CELF2: variants seen among roughly 807,000 people sequenced by gnomAD.
CELF2 encodes the protein CUG triplet repeat RNA-binding protein 2.
A neutral mutation model predicts 62.6 loss-of-function variants in CELF2; 8 were observed. The ratio of observed to expected loss-of-function variants is 0.13; its 90% confidence interval spans 0.07 to 0.23. CELF2 has a LOEUF of 0.23. Ranked by LOEUF, CELF2 falls within the 10% of genes least tolerant of loss-of-function variation. The pLI, the probability that CELF2 is intolerant of heterozygous loss-of-function variation, is 1.00. For synonymous variants in CELF2, 258 were observed against 250.0 expected (o/e 1.03, Z -0.30); for missense variants, 333 against 671.0 (o/e 0.50, Z 5.56).
rs886962492 is a variant in CELF2, at chr10:11,217,090, A to G, written c.272-335A>G. On this transcript the variant is annotated intron_variant, in intron 2 of 12. Transcript: ENST00000633077. This position sits in a 1 kb window ranked among gnomAD's most constrained non-coding sequence, Gnocchi z 5.6. ...CTTGTGCTGTTGTTATTGTGATTAA[A>G]TGCTTCTCTTCACGTAGGTGCTATA... 4.6e-5 allele frequency among the ~76,000 whole-genome samples: 7 copies of G among 152,332 alleles called. No individual in the cohort carries two copies. The East Asian group carries it at 7.7e-4, about 17-fold the overall frequency.
chr10:10,877,245 A>T (rs1002985157), intron 1 of CELF2, among the ~76,000 whole-genome samples: 1 of 152,190 alleles, frequency 6.6e-6, no homozygotes, highest in African/African-American at 2.4e-5. Flanking sequence ...TAATTTAGAC[A>T]ATTTATTTTG....
the CELF2 span, among the ~76,000 whole-genome samples, chr10:10,655,377 A>T: frequency 1.6e-5 from 2 of 122,200 alleles, no homozygotes; most frequent in Admixed American, 1.7e-4. Context: ...ACTACTTTAA[A>T]GTTCATATGG....
At chr10:10,483,391 G>C in the CELF2 span, among the ~76,000 whole-genome samples, 2 of 152,116 alleles carry the variant, frequency 1.3e-5, no homozygotes, top group Non-Finnish European at 2.9e-5. Context: ...ATAGTGAGTT[G>C]GGCTAAGCAT....
chr10:10,894,099 T>C (rs1261784384), intron 1 of CELF2, among the ~76,000 whole-genome samples: 3 of 151,846 alleles, frequency 2.0e-5, no homozygotes, highest in African/African-American at 7.3e-5. Flanking sequence ...GTTTTTAACC[T>C]GATTCTTATG....
At chr10:11,163,120 C>T (rs572434053) in intron 1 of CELF2, among the ~76,000 whole-genome samples, 10 of 152,230 alleles carry the variant, frequency 6.6e-5, no homozygotes, top group Admixed American at 5.2e-4. Flanking sequence ...TTATATTTTT[C>T]GAAAAAGAGT....
chr10:10,970,874 T>G (rs1483668047), intron 2 of CELF2: 1 of 152,136 alleles, frequency 6.6e-6, no homozygotes, highest in Non-Finnish European at 1.5e-5. Flanking sequence ...AAGAAAACTT[T>G]GTTTTCTTTT....
rs1322044875 is a variant in CELF2 at position 11,297,382 on chromosome 10, G to T, written c.976+8830G>T. Among the ~76,000 whole-genome samples, 1 of 152,176 alleles carries T rather than the reference G, an allele frequency of 6.6e-6. No homozygotes were observed. Among genetic ancestry groups the T allele is most frequent in the African/African-American group, 2.4e-5 (1 of 41,430 alleles). ...GCCCGGGGAGGGGTGAGGTCATCAG[G>T]CCAAAATCACCAGCAAGGCAAGGCG... On this transcript the variant is annotated intron_variant, in intron 9 of 12. Coordinates refer to ENST00000633077, the MANE Select transcript of CELF2 (RefSeq NM_001326342.2). The surrounding 1 kb of genome is among the most constrained non-coding windows in gnomAD (Gnocchi z 4.4).
chr10:11,252,862 G>A (rs1012333400), intron 4 of CELF2, among the ~76,000 whole-genome samples: 24 of 152,130 alleles, frequency 1.6e-4, no homozygotes, highest in Admixed American at 5.2e-4. Context: ...AACAGAATCC[G>A]CCTTTTTTGT....
At chr10:10,727,990 G>A in the CELF2 span, among the ~76,000 whole-genome samples, 1 of 152,190 alleles carries the variant, frequency 6.6e-6, no homozygotes, top group South Asian at 2.1e-4. Context: ...TGAAGAGTCG[G>A]CTGCATACAC....
chr10:11,155,198 C>T (rs186337716), intron 1 of CELF2, among the ~76,000 whole-genome samples: 5 of 152,284 alleles, frequency 3.3e-5, no homozygotes, highest in Admixed American at 2.0e-4. Flanking sequence ...CCTCCTTAAG[C>T]AGAATTTATT....
chr10:10,705,368 A>AAG, the CELF2 span, among the ~76,000 whole-genome samples: 1 of 143,232 alleles, frequency 7.0e-6, no homozygotes, highest in Non-Finnish European at 1.5e-5. Flanking sequence ...TTCCCTATTA[A>AAG]AAAAAAAAAA....
chr10:11,077,342 G>A (rs567955133), intron 1 of CELF2, among the ~76,000 whole-genome samples: 62 of 152,218 alleles, frequency 4.1e-4, no homozygotes, highest in South Asian at 1.9e-3. Flanking sequence ...CCAAGTACAG[G>A]GAAAGTAAGG....
At chr10:10,980,230 C>T (rs946353285) in intron 2 of CELF2, among the ~76,000 whole-genome samples, 24 of 152,196 alleles carry the variant, frequency 1.6e-4, no homozygotes, top group African/African-American at 5.1e-4. Context: ...TCCTGTCTTC[C>T]GCATCTCTGC....
At chr10:11,067,479 G>A (rs1231356815) in intron 1 of CELF2, among the ~76,000 whole-genome samples, 1 of 152,158 alleles carries the variant, frequency 6.6e-6, no homozygotes, top group African/African-American at 2.4e-5. Context: ...AGGAAAATGA[G>A]AACGCTTCTA....
rs528687019 is a variant in CELF2, at chr10:10,929,545, A to G, written c.89+9546A>G. The G allele has an allele frequency of 2.0e-5, 3 of 152,358 alleles. No individual in the cohort carries two copies. In the South Asian group the frequency reaches 6.2e-4, roughly 32 times the overall value. 9.4% of individuals were successfully genotyped at this position (152,358 alleles called of 1,614,324 possible). ...GCAGCCCAGCGAAGTGATTCAGTGCATATGATCTAGAGCCAAACTCCGGCT... is the reference window on the plus strand; with the variant it reads ...GCAGCCCAGCGAAGTGATTCAGTGCGTATGATCTAGAGCCAAACTCCGGCT... On this transcript the variant is annotated intron_variant, in intron 2 of 13. Transcript: ENST00000636488.
the CELF2 span, among the ~76,000 whole-genome samples, chr10:10,703,969 A>G: frequency 5.7e-4 from 87 of 152,316 alleles, no homozygotes; most frequent in African/African-American, 1.7e-3. Context: ...AAATATTCCA[A>G]TATTTCTAAA....
At chr10:10,797,385 C>G (rs1479989815), upstream of CELF2, among the ~76,000 whole-genome samples, 1 of 149,890 alleles carries the variant, frequency 6.7e-6, no homozygotes, top group African/African-American at 2.5e-5. Flanking sequence ...ACTCTCTTTG[C>G]AACAAAGAGA....
At chr10:10,701,600 A>T in the CELF2 span, among the ~76,000 whole-genome samples, 4 of 152,358 alleles carry the variant, frequency 2.6e-5, no homozygotes, top group South Asian at 8.3e-4. Flanking sequence ...TGAACATAAT[A>T]TATGTAAGCA....
chr10:10,670,586 A>C, the CELF2 span, among the ~76,000 whole-genome samples: 15 of 152,314 alleles, frequency 9.8e-5, no homozygotes, highest in African/African-American at 3.4e-4. Context: ...CAGTGAACCT[A>C]GATTGACACA....
Sources: allele counts gnomAD v4.1 joint callset (sites outside exome capture counted in the v4.1 genomes callset), GRCh38; gene constraint gnomAD v4.1.1; non-coding constraint Gnocchi (gnomAD v3.1); transcripts MANE v1.5; gene names NCBI Gene and HGNC (gene_info 2026-07-23, HGNC 2026-07-21).